RPL27A: variants seen among roughly 807,000 people sequenced by gnomAD.
RPL27A encodes ribosomal protein L27a.
For synonymous variants in RPL27A, 69 were observed against 68.3 expected (o/e 1.01, Z -0.05); for missense variants, 118 against 189.4 (o/e 0.62, Z 2.21).
rs267603227 is a variant in RPL27A, at chr11:8,683,238, C to A, written c.40C>A (p.His14Asn). 2.5e-6 allele frequency: 4 copies of A among 1,614,236 alleles called. No individual in the cohort carries two copies. The South Asian group carries it at 3.3e-5, about 13-fold the overall frequency. The change falls in exon 2 of 5, where the codon CAC becomes AAC. Residue 14 changes from histidine (H) to asparagine (N), a missense_variant. By Grantham distance (68) the His-to-Asn change is moderately conservative. Coordinates refer to ENST00000314138, the MANE Select transcript of RPL27A (RefSeq NM_000990.5). ...GAGGAAGACCCGGAAACTTAGGGGCCACGTGAGCCACGGCCACGGCCGCAT... is the reference window on the plus strand; with the variant it reads ...GAGGAAGACCCGGAAACTTAGGGGCAACGTGAGCCACGGCCACGGCCGCAT... ...RLRKTRKLRG[H>N]VSHGHGRIGK...
In RPL27A at chr11:8,688,186, C is replaced by G. The variant is rs562419155; in HGVS notation, c.*2380C>G. On this transcript the variant is annotated 3_prime_UTR_variant, in exon 5 of 5. Coordinates refer to ENST00000314138, the MANE Select transcript of RPL27A (RefSeq NM_000990.5). ...AATGGGAGTGAGTATGGAAAAGGTACGATTCAGACGGCATAATGGACGGGA... is the reference window on the plus strand; with the variant it reads ...AATGGGAGTGAGTATGGAAAAGGTAGGATTCAGACGGCATAATGGACGGGA... The G allele has an allele frequency of 6.6e-6, 1 of 152,288 alleles. No homozygotes were observed. The highest frequency in any genetic ancestry group is 2.4e-5 in the African/African-American group (1 of 41,536). 9.4% of individuals were successfully genotyped at this position (152,288 alleles called of 1,614,324 possible).
At chr11:8,684,919 C>T in intron 4 of RPL27A, 27 bp downstream of exon 4, 1 of 1,606,320 alleles carries the variant, frequency 6.2e-7, no homozygotes, top group African/African-American at 1.3e-5. Flanking sequence ...TTTTTCTGTA[C>T]TTCCATACCT....
At chr11:8,683,394 T>C in intron 2 of RPL27A, 129 bp downstream of exon 2, 2 of 738,842 alleles carry the variant, frequency 2.7e-6, no homozygotes, top group African/African-American at 1.8e-5. Flanking sequence ...GCTGTTGATT[T>C]TTTTCTGACG....
rs753975930 is a variant in RPL27A, at chr11:8,685,681, T to C, written c.322T>C (p.Tyr108His). 8.1e-6 allele frequency: 13 copies of C among 1,614,034 alleles called. No homozygotes were observed. Among genetic ancestry groups the C allele is most frequent in the Non-Finnish European group, 1.1e-5 (13 of 1,179,982 alleles). ...APIIDVVRSG[Y>H]YKVLGKGKLP... is the part of the protein sequence containing the mutation. ...ACTTTTTTCTCTGTTCTTCTAGGGC[T>C]ACTACAAAGTTCTGGGAAAGGGAAA... The change falls in exon 5 of 5, where the codon TAC becomes CAC. Residue 108 changes from tyrosine to histidine, a missense_variant. By Grantham distance (83) the Tyr-to-His change is moderately conservative. Coordinates refer to ENST00000314138, the MANE Select transcript of RPL27A (RefSeq NM_000990.5).
At chr11:8,682,903 C>A (rs2039512409) in intron 1 of RPL27A, 87 bp downstream of exon 1, 2 of 1,486,746 alleles carry the variant, frequency 1.3e-6, no homozygotes, top group Admixed American at 2.1e-5. Flanking sequence ...CCACTCCCTA[C>A]CATGGTCGGG....
intron 1 of RPL27A, 149 bp from the exon 2 acceptor site, chr11:8,683,053 C>A: frequency 1.1e-6 from 1 of 890,062 alleles, no homozygotes; most frequent in Non-Finnish European, 1.8e-6. Context: ...TGAGACCTCA[C>A]GGCCCTGAGC....
rs7925000 is a variant in RPL27A at position 8,687,442 on chromosome 11, G to T, written c.*1636G>T. ...CTCCATTAGGGCCCATAGAGGACTTGTAATATGGAACCTGAATCCAAGGAT... is the reference window on the plus strand; with the variant it reads ...CTCCATTAGGGCCCATAGAGGACTTTTAATATGGAACCTGAATCCAAGGAT... On this transcript the variant is annotated 3_prime_UTR_variant, in exon 5 of 5. Coordinates refer to ENST00000314138, the MANE Select transcript of RPL27A (RefSeq NM_000990.5). 0.29 allele frequency: 42,109 copies of T among 145,798 alleles called. 6,366 individuals carry two copies. Among genetic ancestry groups the T allele is most frequent in the African/African-American group, 0.35 (13,853 of 39,744 alleles). 9.0% of individuals were successfully genotyped at this position (145,798 alleles called of 1,614,324 possible).
chr11:8,683,073 C>A, intron 1 of RPL27A, 129 bp from the exon 2 acceptor site: 1 of 1,031,984 alleles, frequency 9.7e-7, no homozygotes, highest in Non-Finnish European at 1.5e-6. Context: ...CGGATCGGTA[C>A]CCTCAGCTTT....
rs1327593574 is a variant in RPL27A at position 8,688,214 on chromosome 11, T to C, written c.*2408T>C. ...TTCAGACGGCATAATGGACGGGACT[T>C]GGAGACTGAATTGTAGTGGGCCGAC... On this transcript the variant is annotated 3_prime_UTR_variant, in exon 5 of 5. Coordinates refer to ENST00000314138, the MANE Select transcript of RPL27A (RefSeq NM_000990.5). 6.6e-6 allele frequency: 1 copy of C among 152,186 alleles called. No individual in the cohort carries two copies. Among genetic ancestry groups the C allele is most frequent in the Non-Finnish European group, 1.5e-5 (1 of 68,046 alleles). 9.4% of individuals were successfully genotyped at this position (152,186 alleles called of 1,614,324 possible). A position where few individuals can be genotyped will look rare whatever the true frequency, so the allele number is the denominator to read the frequency against.
rs1351723168 is a variant in RPL27A at position 8,683,369 on chromosome 11, T to G, written c.67+104T>G. 6.4e-6 allele frequency: 6 copies of G among 939,056 alleles called. No homozygotes were observed. In the East Asian group the frequency reaches 9.7e-5, roughly 15 times the overall value. The allele number at this position is 939,056 out of a possible 1,614,324, so 58.2% of individuals were successfully genotyped here. A position where few individuals can be genotyped will look rare whatever the true frequency, so the allele number is the denominator to read the frequency against. ...AGTGGGTTAGAATAAGACCTTTTTG[T>G]GGTCAAGTTGCACAGCTGTTGATTT... is the stretch of plus-strand genomic sequence containing the variant. On this transcript the variant is annotated intron_variant, in intron 2 of 4. Coordinates refer to ENST00000314138, the MANE Select transcript of RPL27A (RefSeq NM_000990.5).
rs201404334 is a variant in RPL27A, at chr11:8,682,806, C to T, written c.-8C>T. 21 of 1,613,294 alleles carry T rather than the reference C, an allele frequency of 1.3e-5. No homozygotes were observed. In the East Asian group the frequency reaches 1.6e-4, roughly 12 times the overall value. Reference sequence around the variant, plus strand: ...CGAAGGCCTTCCTTTTTCGTCTGGGCTGCCAACATGGTAGGTGTTTCGTTT... The same window carrying T: ...CGAAGGCCTTCCTTTTTCGTCTGGGTTGCCAACATGGTAGGTGTTTCGTTT... On this transcript the variant is annotated 5_prime_UTR_variant, in exon 1 of 5. Coordinates refer to ENST00000314138, the MANE Select transcript of RPL27A (RefSeq NM_000990.5).
chr11:8,684,241 C>A (rs149639839), intron 3 of RPL27A, 160 bp downstream of exon 3: 11 of 774,338 alleles, frequency 1.4e-5, no homozygotes, highest in Non-Finnish European at 1.9e-5. Context: ...AGGCTAGAGT[C>A]ACGCTTGGGT....
rs1296965439 is a variant in RPL27A at position 8,688,914 on chromosome 11, C to T, written c.*3108C>T. The stretch of plus-strand genomic sequence containing the variant: ...CGTTCATCAGTCAGCACGACCCGAC[C>T]TCAGTGGCGTCCTCACAACACAGAC... On this transcript the variant is annotated 3_prime_UTR_variant, in exon 5 of 5. Transcript: ENST00000314138. 1.3e-5 allele frequency: 2 copies of T among 152,290 alleles called. No individual in the cohort carries two copies. Among genetic ancestry groups the T allele is most frequent in the Non-Finnish European group, 2.9e-5 (2 of 68,070 alleles). 9.4% of individuals were successfully genotyped at this position (152,290 alleles called of 1,614,324 possible).
At chr11:8,684,370 A>G (rs1371399417) in intron 3 of RPL27A, 2 of 725,186 alleles carry the variant, frequency 2.8e-6, no homozygotes, top group Admixed American at 1.7e-5. Context: ...ACATTCACCT[A>G]CCCACAAACT....
At chr11:8,684,973 T>C (rs1592237318) in intron 4 of RPL27A, 81 bp downstream of exon 4, 1 of 1,333,252 alleles carries the variant, frequency 7.5e-7, no homozygotes, top group Non-Finnish European at 1.1e-6. Context: ...TTATATAATC[T>C]GTACTTCCCA....
intron 3 of RPL27A, 84 bp from the exon 4 acceptor site, chr11:8,684,634 C>A: frequency 8.3e-7 from 1 of 1,199,082 alleles, no homozygotes; most frequent in Non-Finnish European, 1.2e-6. Context: ...AATTTACACT[C>A]TAATAGGGGG....
rs1447769446 is a variant in RPL27A, at chr11:8,687,692, G to C, written c.*1886G>C. The C allele has an allele frequency of 6.6e-6, 1 of 152,108 alleles. No homozygotes were observed. The highest frequency in any genetic ancestry group is 1.9e-4 in the East Asian group (1 of 5,162). The allele number at this position is 152,108 out of a possible 1,614,324, so 9.4% of individuals were successfully genotyped here. A position where few individuals can be genotyped will look rare whatever the true frequency, so the allele number is the denominator to read the frequency against. ...CGCCCAGGCTGGAGTGCAGTGGTGC[G>C]ATCTCAGATCACTGCAAGCTCCGCC... On this transcript the variant is annotated 3_prime_UTR_variant, in exon 5 of 5. Transcript: ENST00000314138.
At chr11:8,682,845 C>A (rs771859983) in intron 1 of RPL27A, 29 bp downstream of exon 1, 2 of 1,607,738 alleles carry the variant, frequency 1.2e-6, no homozygotes, top group Non-Finnish European at 1.7e-6. Context: ...GCCTCCTCTT[C>A]CTTGCCGGCG....
chr11:8,684,680 T>C (rs774506179), intron 3 of RPL27A, 38 bp from the exon 4 acceptor site: 6 of 1,577,166 alleles, frequency 3.8e-6, no homozygotes, highest in Non-Finnish European at 4.4e-6. Flanking sequence ...AGCATCTTAA[T>C]TGGAGTGTGT....
Sources: allele counts gnomAD v4.1 joint callset, GRCh38; gene constraint gnomAD v4.1.1; transcripts MANE v1.5; gene names NCBI Gene and HGNC (gene_info 2026-07-23, HGNC 2026-07-21).